TMIGD3: variants seen among roughly 807,000 people sequenced by gnomAD.
The protein encoded by TMIGD3 is transmembrane and immunoglobulin domain containing 3.
In TMIGD3, 21 loss-of-function variants were observed where a neutral mutation model predicts 28.1. The observed-to-expected ratio is 0.75, with a 90% CI of 0.53 to 1.08. TMIGD3 has a LOEUF of 1.08. TMIGD3 is among the 50% of genes least tolerant of loss of function. The probability of loss-of-function intolerance (pLI) is 0.00; values close to 1 mark genes in which losing one functional copy is unlikely to be tolerated. For missense variants in TMIGD3, 416 were observed against 435.6 expected (o/e 0.96, Z 0.40); for synonymous variants, 151 against 162.1 (o/e 0.93, Z 0.52).
intron 1 of TMIGD3, among the ~76,000 whole-genome samples, chr1:111,560,076 T>C (rs775380167): frequency 3.3e-5 from 5 of 152,234 alleles, no homozygotes; most frequent in Non-Finnish European, 7.3e-5. Context: ...GCATTGCTTA[T>C]GTGTTAGGTA....
intron 1 of TMIGD3, among the ~76,000 whole-genome samples, chr1:111,528,134 C>T (rs562411317): frequency 1.3e-5 from 2 of 152,016 alleles, no homozygotes; most frequent in South Asian, 4.2e-4. Flanking sequence ...TATAGTTTTG[C>T]ATTTTATGTT....
chr1:111,562,800 G>C (rs1394577514), intron 1 of TMIGD3, among the ~76,000 whole-genome samples: 5 of 152,186 alleles, frequency 3.3e-5, no homozygotes, highest in African/African-American at 1.2e-4. Context: ...ACCAAGATTA[G>C]CTTTGAATTA....
intron 1 of TMIGD3, among the ~76,000 whole-genome samples, chr1:111,514,294 C>T (rs1290793004): frequency 6.6e-6 from 1 of 152,072 alleles, no homozygotes; most frequent in Non-Finnish European, 1.5e-5. Context: ...CCTGTGATCC[C>T]AGTGCTTTGG....
Position 111,529,971 on chromosome 1 carries a change from C to T in TMIGD3, c.107+33875G>A, listed in dbSNP as rs1476513558. On this transcript the variant is annotated intron_variant, in intron 1 of 5. Transcript: ENST00000369717. Reference sequence around the variant, plus strand: ...CCGGGCAGAGGCGCCCCTCACCTCCCGGATGGGGCGGCTGGCCGGGCGGGG... The same window carrying T: ...CCGGGCAGAGGCGCCCCTCACCTCCTGGATGGGGCGGCTGGCCGGGCGGGG... Among the ~76,000 whole-genome samples, 100 of 106,724 alleles carry T rather than the reference C, an allele frequency of 9.4e-4. 1 individual carries two copies. Among genetic ancestry groups the T allele is most frequent in the Middle Eastern group, 4.1e-3 (1 of 242 alleles). 70.0% of individuals were successfully genotyped at this position (106,724 alleles called of 152,430 possible).
At chr1:111,492,646 T>C (rs565317927) in intron 1 of TMIGD3, among the ~76,000 whole-genome samples, 40 of 152,044 alleles carry the variant, frequency 2.6e-4, no homozygotes, top group South Asian at 1.9e-3. Flanking sequence ...AAACCCCATC[T>C]CTACTATAAA....
In TMIGD3 at chr1:111,502,277, CATTATAATAAATATATAGGAT is replaced by C. The variant is rs1571415773; in HGVS notation, c.350+707_350+727del. Among the ~76,000 whole-genome samples, 11 of 44,290 alleles carry C rather than the reference CATTATAATAAATATATAGGAT, an allele frequency of 2.5e-4. 1 individual carries two copies. Among genetic ancestry groups the C allele is most frequent in the African/African-American group, 9.8e-4 (11 of 11,248 alleles). 29.1% of individuals were successfully genotyped at this position (44,290 alleles called of 152,430 possible). On this transcript the variant is annotated intron_variant, in intron 1 of 5. Transcript: ENST00000369716. ...ATAATAAATATATAGGATATATATT[CATTATAATAAATATATAGGAT>C]ATATATTCATTATAATGAATATATA...
In TMIGD3 at chr1:111,484,188, A is replaced by G. The variant is rs144162928; in HGVS notation, c.974-431T>C. Among the ~76,000 whole-genome samples the G allele has an allele frequency of 3.0e-3, 459 of 152,222 alleles. 6 individuals are homozygous for G. The highest frequency in any genetic ancestry group is 0.017 in the Middle Eastern group (5 of 294). The stretch of plus-strand genomic sequence containing the variant: ...TTAAGAGCACTGACTCCTGGTGGCA[A>G]TGTTACATTTGGGTGTTGATGTGTG... On this transcript the variant is annotated intron_variant, in intron 5 of 5. Transcript: ENST00000369716.
chr1:111,514,069 C>T (rs1655781148), intron 1 of TMIGD3, among the ~76,000 whole-genome samples: 1 of 152,218 alleles, frequency 6.6e-6, no homozygotes, highest in South Asian at 2.1e-4. Context: ...ACTTTCCAAA[C>T]ATTCACTCTT....
intron 1 of TMIGD3, among the ~76,000 whole-genome samples, chr1:111,495,600 A>G (rs1219143840): frequency 6.6e-6 from 1 of 152,252 alleles, no homozygotes; most frequent in Non-Finnish European, 1.5e-5. Flanking sequence ...AATTTGTGGA[A>G]AGCAGTATGG....
At chr1:111,523,448 T>C (rs1656147683) in intron 1 of TMIGD3, among the ~76,000 whole-genome samples, 1 of 152,150 alleles carries the variant, frequency 6.6e-6, no homozygotes, top group Non-Finnish European at 1.5e-5. Context: ...GATTTTTTTT[T>C]CCTGTAATGT....
chr1:111,509,991 AC>A (rs1655637491), intron 1 of TMIGD3, among the ~76,000 whole-genome samples: 1 of 152,258 alleles, frequency 6.6e-6, no homozygotes, highest in Admixed American at 6.5e-5. Context: ...AATGAGCCAC[AC>A]AAAAACAGTC....
intron 1 of TMIGD3, among the ~76,000 whole-genome samples, chr1:111,547,668 A>G (rs1236446754): frequency 6.6e-6 from 1 of 152,148 alleles, no homozygotes; most frequent in Non-Finnish European, 1.5e-5. Flanking sequence ...CAGATTTTTT[A>G]AAGATTAAGA....
chr1:111,518,120 C>A (rs1248238443), intron 1 of TMIGD3, among the ~76,000 whole-genome samples: 2 of 152,166 alleles, frequency 1.3e-5, no homozygotes, highest in Non-Finnish European at 2.9e-5. Flanking sequence ...CCACTTTTAA[C>A]CTTTTTGCTA....
chr1:111,536,192 G>A (rs1180899590), intron 1 of TMIGD3, among the ~76,000 whole-genome samples: 3 of 151,742 alleles, frequency 2.0e-5, no homozygotes, highest in African/African-American at 7.3e-5. Context: ...CACATCGGAG[G>A]GAAGAAATAG....
chr1:111,544,397 A>G (rs1379875555), intron 1 of TMIGD3, among the ~76,000 whole-genome samples: 1 of 152,152 alleles, frequency 6.6e-6, no homozygotes, highest in African/African-American at 2.4e-5. Flanking sequence ...CTACCAATCT[A>G]CAATCTGTCT....
At chr1:111,506,223 GC>G (rs1201982119), upstream of TMIGD3, among the ~76,000 whole-genome samples, 1 of 152,090 alleles carries the variant, frequency 6.6e-6, no homozygotes, top group South Asian at 2.1e-4. Context: ...TGCATTTCTC[GC>G]CCCTACTATG....
chr1:111,545,709 A>G (rs1260231638), intron 1 of TMIGD3, among the ~76,000 whole-genome samples: 1 of 152,152 alleles, frequency 6.6e-6, no homozygotes, highest in Non-Finnish European at 1.5e-5. Flanking sequence ...ATCTAAGGTC[A>G]CAGAGATTTA....
At chr1:111,518,649 C>T (rs1328693941) in intron 1 of TMIGD3, among the ~76,000 whole-genome samples, 1 of 152,188 alleles carries the variant, frequency 6.6e-6, no homozygotes, top group African/African-American at 2.4e-5. Flanking sequence ...AGAATCTGAA[C>T]CAAGCTTTGC....
At chr1:111,542,266 T>C (rs1656861642) in intron 1 of TMIGD3, 2 of 607,862 alleles carry the variant, frequency 3.3e-6, no homozygotes, top group Admixed American at 1.9e-5. Flanking sequence ...TGAGGCCGTA[T>C]TTCAGGATCA....
Sources: allele counts gnomAD v4.1 joint callset (sites outside exome capture counted in the v4.1 genomes callset), GRCh38; gene constraint gnomAD v4.1.1; transcripts MANE v1.5; gene names NCBI Gene and HGNC (gene_info 2026-07-23, HGNC 2026-07-21).